The following FGGY variants were observed in gnomAD, a reference collection of about 807,000 sequenced individuals.
FGGY encodes the protein FGGY carbohydrate kinase domain containing, also known as FGGY carbohydrate kinase domain-containing protein.
Under a neutral mutation model 71.3 loss-of-function variants are expected in FGGY, and 72 were observed. The ratio of observed to expected loss-of-function variants is 1.01; its 90% CI spans 0.84 to 1.23. The LOEUF is 1.23. Ranked by LOEUF, FGGY falls within the 50% of genes most tolerant of loss-of-function variation. The pLI, the probability that FGGY is intolerant of heterozygous loss-of-function variation, is 0.00. For synonymous variants in FGGY, 251 were observed against 250.3 expected (o/e 1.00, Z -0.02); for missense variants, 668 against 682.3 (o/e 0.98, Z 0.23).
chr1:59,365,438 A>G (rs1452396063), intron 4 of FGGY, among the ~76,000 whole-genome samples: 2 of 152,208 alleles, frequency 1.3e-5, no homozygotes, highest in Non-Finnish European at 2.9e-5. Context: ...TTCTCTTCCT[A>G]TTAGGACTGT....
intron 1 of FGGY, among the ~76,000 whole-genome samples, chr1:59,301,784 G>T (rs2153078572): frequency 7.0e-6 from 1 of 142,996 alleles, no homozygotes; most frequent in East Asian, 2.1e-4. Flanking sequence ...CGTGATCTCG[G>T]CTCACTGCAA....
intron 8 of FGGY, among the ~76,000 whole-genome samples, chr1:59,593,712 T>A (rs949282801): frequency 6.6e-6 from 1 of 152,232 alleles, no homozygotes; most frequent in Non-Finnish European, 1.5e-5. Context: ...TATCAGAATA[T>A]CTTGCCATTC....
intron 6 of FGGY, among the ~76,000 whole-genome samples, chr1:59,508,257 T>A (rs2153623698): frequency 6.6e-6 from 1 of 152,332 alleles, no homozygotes; most frequent in South Asian, 2.1e-4. Context: ...GTCTTAGTTT[T>A]TCATCATCTT....
chr1:59,544,473 A>G (rs1331191483), intron 7 of FGGY, among the ~76,000 whole-genome samples: 1 of 152,196 alleles, frequency 6.6e-6, no homozygotes, highest in Non-Finnish European at 1.5e-5. Context: ...TTCAGGGGAC[A>G]GTCAGAAAAT....
chr1:59,493,668 T>C (rs1225903793), intron 6 of FGGY, among the ~76,000 whole-genome samples: 1 of 152,132 alleles, frequency 6.6e-6, no homozygotes, highest in Non-Finnish European at 1.5e-5. Context: ...GTTTAATGGA[T>C]ATAGAGTTTC....
At chr1:59,416,741 T>C (rs2064500872) in intron 5 of FGGY, among the ~76,000 whole-genome samples, 1 of 152,142 alleles carries the variant, frequency 6.6e-6, no homozygotes, top group Admixed American at 6.5e-5. Flanking sequence ...CATGATGAGA[T>C]TTTTTGTTTT....
chr1:59,360,783 T>C (rs2055345402), intron 4 of FGGY, among the ~76,000 whole-genome samples: 1 of 152,158 alleles, frequency 6.6e-6, no homozygotes, highest in Non-Finnish European at 1.5e-5. Flanking sequence ...TCACATTGTT[T>C]GAAGGGTAGG....
intron 15 of FGGY, among the ~76,000 whole-genome samples, chr1:59,759,183 A>C (rs749214728): frequency 8.5e-5 from 13 of 152,238 alleles, no homozygotes; most frequent in Non-Finnish European, 1.6e-4. Context: ...AAATGTGCAG[A>C]TCCCACTGAA....
intron 5 of FGGY, among the ~76,000 whole-genome samples, chr1:59,434,585 G>A (rs991236106): frequency 6.6e-6 from 1 of 152,150 alleles, no homozygotes; most frequent in African/African-American, 2.4e-5. Flanking sequence ...TATAAACAAC[G>A]GAAATTATTT....
chr1:59,520,173 C>T (rs959011240), intron 7 of FGGY, among the ~76,000 whole-genome samples: 1 of 152,218 alleles, frequency 6.6e-6, no homozygotes, highest in Non-Finnish European at 1.5e-5. Context: ...TTCATCAATT[C>T]AGCTTATTTC....
At chr1:59,664,752 T>C (rs1260229373) in intron 12 of FGGY, among the ~76,000 whole-genome samples, 1 of 152,256 alleles carries the variant, frequency 6.6e-6, no homozygotes, top group Non-Finnish European at 1.5e-5. Context: ...TCTCCTTGTA[T>C]GCACCTTTCG....
intron 14 of FGGY, among the ~76,000 whole-genome samples, chr1:59,690,652 G>T (rs2097580627): frequency 6.6e-6 from 1 of 152,174 alleles, no homozygotes; most frequent in Admixed American, 6.5e-5. Flanking sequence ...CCAGTAGTCA[G>T]TGCTGGATAC....
chr1:59,667,155 C>G, intron 12 of FGGY, 128 bp from the exon 13 acceptor site: 1 of 1,178,952 alleles, frequency 8.5e-7, no homozygotes, highest in Non-Finnish European at 1.2e-6. Flanking sequence ...CTCTGTGAGT[C>G]TCAGCTTTCT....
At chr1:59,572,351 G>A (rs1481890208) in intron 8 of FGGY, among the ~76,000 whole-genome samples, 1 of 152,062 alleles carries the variant, frequency 6.6e-6, no homozygotes, top group Non-Finnish European at 1.5e-5. Flanking sequence ...ATAAGCAGAA[G>A]GAAATTGGCA....
At chr1:59,641,731 C>T (rs2097029807) in intron 11 of FGGY, among the ~76,000 whole-genome samples, 1 of 152,060 alleles carries the variant, frequency 6.6e-6, no homozygotes, top group African/African-American at 2.4e-5. Context: ...GGATGGTGTT[C>T]AACTAGGAAA....
chr1:59,685,106 G>A (rs1573163418), intron 14 of FGGY, among the ~76,000 whole-genome samples: 1 of 152,298 alleles, frequency 6.6e-6, no homozygotes, highest in Non-Finnish European at 1.5e-5. Context: ...CCTGCCCTCT[G>A]CGTATCCCCC....
intron 8 of FGGY, among the ~76,000 whole-genome samples, chr1:59,562,216 C>A (rs2095803069): frequency 6.6e-6 from 1 of 152,086 alleles, no homozygotes; most frequent in African/African-American, 2.4e-5. Context: ...AATAGTCCAG[C>A]ACTGGAAACA....
At chr1:59,739,041 C>A (rs1328191864) in intron 14 of FGGY, among the ~76,000 whole-genome samples, 1 of 152,192 alleles carries the variant, frequency 6.6e-6, no homozygotes, top group Non-Finnish European at 1.5e-5. Flanking sequence ...CCAGAACAGA[C>A]ATGGAGTGGG....
At chr1:59,573,682 A>G (rs1162716885) in intron 8 of FGGY, among the ~76,000 whole-genome samples, 1 of 152,196 alleles carries the variant, frequency 6.6e-6, no homozygotes, top group Non-Finnish European at 1.5e-5. Flanking sequence ...CCATGCTTAT[A>G]TTTGGCATAA....
Sources: gnomAD v4.1 joint callset for allele counts (sites outside exome capture counted in the v4.1 genomes callset) on GRCh38, gnomAD v4.1.1 for gene constraint, MANE v1.5 for transcripts, NCBI Gene and HGNC (gene_info 2026-07-23, HGNC 2026-07-21) for gene names.